Variants in PPEF2 observed in about 807,000 individuals in gnomAD.
PPEF2 encodes serine/threonine-protein phosphatase with EF-hands 2.
PPEF2 carries 84 observed loss-of-function variants against 84.7 expected under a neutral mutation model. The ratio of observed to expected loss-of-function variants is 0.99; its 90% CI spans 0.83 to 1.19. The LOEUF (loss-of-function observed/expected upper bound fraction) is 1.19, where lower values mean the gene tolerates loss of function less well. Ranked by LOEUF, PPEF2 falls within the 50% of genes most tolerant of loss-of-function variation. The pLI is 0.00. For missense variants in PPEF2, 924 were observed against 937.5 expected, an observed-to-expected ratio of 0.99 and a Z score of 0.19; for synonymous variants, 346 against 345.2, an observed-to-expected ratio of 1.00 and a Z score of -0.03.
rs776134580 is a variant in PPEF2, at chr4:75,876,338, T to G, written c.1269A>C (p.Ala423=). Residue 423 remains alanine (A), a synonymous_variant, in exon 11 of 17, where the codon GCA becomes GCC. Coordinates refer to ENST00000286719, the MANE Select transcript of PPEF2 (RefSeq NM_006239.3). The part of the protein sequence containing the change: ...KEEPSRSASE[A]DSEAGELRKP... ...TCCGCAGCTCTCCGGCTTCAGAGTC[T>G]GCTTCTGAGGCTGAGCGGGAGGGCT... 2.5e-6 allele frequency: 4 copies of G among 1,613,752 alleles called. No individual in the cohort carries two copies. Among genetic ancestry groups the G allele is most frequent in the South Asian group, 2.2e-5 (2 of 91,034 alleles).
intron 1 of PPEF2, among the ~76,000 whole-genome samples, chr4:75,897,880 A>G (rs13149107): frequency 0.22 from 33,199 of 152,074 alleles, 4,057 homozygotes; most frequent in Non-Finnish European, 0.28. Flanking sequence ...TTAAAGACAC[A>G]CACACAGAAA....
At chr4:75,861,179 T>C (rs193199585) in intron 16 of PPEF2, among the ~76,000 whole-genome samples, 162 of 152,214 alleles carry the variant, frequency 1.1e-3, no homozygotes, top group African/African-American at 3.9e-3. Flanking sequence ...ATGACTAAGA[T>C]GGAGGTGAGG....
Position 75,859,893 on chromosome 4 carries a change from A to AT in PPEF2, c.*773dup, listed in dbSNP as rs1304156229. 4.6e-5 allele frequency: 7 copies of AT among 152,330 alleles called. No individual in the cohort carries two copies. In the South Asian group the frequency reaches 1.4e-3, roughly 32 times the overall value. The allele number at this position is 152,330 out of a possible 1,614,324, so 9.4% of individuals were successfully genotyped here. A position where few individuals can be genotyped will look rare whatever the true frequency, so the allele number is the denominator to read the frequency against. On this transcript the variant is annotated 3_prime_UTR_variant, in exon 17 of 17. Coordinates refer to ENST00000286719, the MANE Select transcript of PPEF2 (RefSeq NM_006239.3). ...AGGGTTTACAATTAGATATTAATTT[A>AT]TTTTTTTAAAAGTAGAACATAAAAT...
intron 1 of PPEF2, among the ~76,000 whole-genome samples, chr4:75,901,067 C>T (rs2149232717): frequency 6.6e-6 from 1 of 152,226 alleles, no homozygotes; most frequent in South Asian, 2.1e-4. Flanking sequence ...TCTATTACAG[C>T]TTTTGTAATT....
chr4:75,891,630 G>T lies in PPEF2; in HGVS notation c.241+18C>A, dbSNP rs758344476. 4 of 1,595,924 alleles carry T rather than the reference G, an allele frequency of 2.5e-6. No individual in the cohort carries two copies. In the African/African-American group the frequency reaches 5.4e-5, roughly 22 times the overall value. ...GCCTTGCGACAGGAGGACATGACAT[G>T]TGGCAGTTCATACTCACTGTCGTTG... On this transcript the variant is annotated intron_variant, in intron 4 of 16. Coordinates refer to ENST00000286719, the MANE Select transcript of PPEF2 (RefSeq NM_006239.3).
chr4:75,864,553 C>T, intron 15 of PPEF2, 26 bp from the exon 16 acceptor site: 1 of 1,535,020 alleles, frequency 6.5e-7, no homozygotes, highest in Non-Finnish European at 9.0e-7. Context: ...CATTTTCCTT[C>T]TTTGTCATAC....
intron 4 of PPEF2, among the ~76,000 whole-genome samples, chr4:75,891,262 T>C (rs1289024281): frequency 6.6e-6 from 1 of 151,798 alleles, no homozygotes; most frequent in African/African-American, 2.4e-5. Flanking sequence ...TTTCAACCAA[T>C]GACTCCTGGA....
chr4:75,898,633 T>C (rs1210916776), intron 1 of PPEF2, among the ~76,000 whole-genome samples: 2 of 152,200 alleles, frequency 1.3e-5, no homozygotes, highest in East Asian at 1.9e-4. Flanking sequence ...TGTAAGCAAA[T>C]TCATCATTTT....
chr4:75,896,417 A>C, intron 1 of PPEF2, 34 bp from the exon 2 acceptor site: 1 of 1,396,514 alleles, frequency 7.2e-7, no homozygotes, highest in South Asian at 1.2e-5. Flanking sequence ...GTAATAGGAG[A>C]TGCAGGCAGA....
rs753242886 is a variant in PPEF2 at position 75,876,572 on chromosome 4, T to C, written c.1035A>G (p.Pro345=). Residue 345 remains proline, a synonymous_variant, in exon 11 of 17, where the codon CCA becomes CCG. Transcript: ENST00000286719. ...NQKSSAQGPI[P]WFLPESRSLP... ...GAGAGCGGCTTTCGGGGAGAAACCA[T>C]GGGATGGGTCCCTGTGCAGAGCTCT... 6 of 1,612,968 alleles carry C rather than the reference T, an allele frequency of 3.7e-6. No homozygotes were observed. The highest frequency in any genetic ancestry group is 5.1e-6 in the Non-Finnish European group (6 of 1,179,076).
intron 4 of PPEF2, among the ~76,000 whole-genome samples, 190 bp from the exon 5 acceptor site, chr4:75,890,322 C>T (rs1302658626): frequency 1.3e-5 from 2 of 151,516 alleles, no homozygotes; most frequent in African/African-American, 2.4e-5. Context: ...CTTGCCTCTA[C>T]AAAAAAAATT....
At position 75,883,078 on chromosome 4, in the gene PPEF2, G is replaced by T; in HGVS notation, c.784-3C>A. ...CTTAGTATTTCCTTCCCGTGTACCT[G>T]GAAAAAATGATATAAACAAAATGTT... On this transcript the variant is annotated splice_region_variant and splice_polypyrimidine_tract_variant and intron_variant, in intron 9 of 16. Transcript: ENST00000286719. 6.2e-7 allele frequency: 1 copy of T among 1,613,514 alleles called. No individual in the cohort carries two copies. Among genetic ancestry groups the T allele is most frequent in the Non-Finnish European group, 8.5e-7 (1 of 1,179,754 alleles).
Position 75,860,931 on chromosome 4 carries a change from G to A in PPEF2, c.2009-11C>T, listed in dbSNP as rs1301205920. 2 of 1,609,654 alleles carry A rather than the reference G, an allele frequency of 1.2e-6. No homozygotes were observed. Among genetic ancestry groups the A allele is most frequent in the Admixed American group, 1.7e-5 (1 of 59,870 alleles). On this transcript the variant is annotated splice_polypyrimidine_tract_variant and intron_variant, in intron 16 of 16. Coordinates refer to ENST00000286719, the MANE Select transcript of PPEF2 (RefSeq NM_006239.3). ...CCAGTGAGATGAACCCTTATCAGAG[G>A]GAGGAAATCACTTCAGTGAGTTAGT...
intron 10 of PPEF2, among the ~76,000 whole-genome samples, chr4:75,878,811 G>A (rs57659593): frequency 2.0e-5 from 3 of 151,990 alleles, no homozygotes; most frequent in Non-Finnish European, 2.9e-5. Context: ...ATGGAGTCTC[G>A]CTCTGTCACC....
intron 1 of PPEF2, among the ~76,000 whole-genome samples, chr4:75,900,488 G>A (rs1725095599): frequency 6.6e-6 from 1 of 152,192 alleles, no homozygotes; most frequent in Admixed American, 6.5e-5. Context: ...TATGTCATGT[G>A]GAAGGGGAAA....
rs190536325 is a variant in PPEF2 at position 75,882,012 on chromosome 4, G to C, written c.933+914C>G. The C allele has an allele frequency of 5.9e-5, 9 of 152,322 alleles. No individual in the cohort carries two copies. In the East Asian group the frequency reaches 1.7e-3, roughly 29 times the overall value. The allele number at this position is 152,322 out of a possible 1,614,324, so 9.4% of individuals were successfully genotyped here. A position where few individuals can be genotyped will look rare whatever the true frequency, so the allele number is the denominator to read the frequency against. On this transcript the variant is annotated intron_variant, in intron 10 of 16. Coordinates refer to ENST00000286719, the MANE Select transcript of PPEF2 (RefSeq NM_006239.3). The stretch of plus-strand genomic sequence containing the variant: ...TGTGTGGGATGAGTCAAGTTTAAGA[G>C]TTAAGTGTAAGAAAATAGAAACTTT...
intron 11 of PPEF2, among the ~76,000 whole-genome samples, chr4:75,874,085 G>A (rs1724351507): frequency 6.7e-6 from 1 of 149,934 alleles, no homozygotes; most frequent in Admixed American, 6.8e-5. Context: ...TCCAGCCTGG[G>A]TGACAGAGCG....
At chr4:75,885,817 C>T (rs956999103) in intron 7 of PPEF2, among the ~76,000 whole-genome samples, 2 of 151,930 alleles carry the variant, frequency 1.3e-5, no homozygotes, top group South Asian at 2.1e-4. Context: ...GAGACCAGCC[C>T]GGCCAAGATG....
At chr4:75,877,672 C>CT (rs71210220) in intron 10 of PPEF2, among the ~76,000 whole-genome samples, 234 of 147,232 alleles carry the variant, frequency 1.6e-3, no homozygotes, top group Middle Eastern at 7.0e-3. Flanking sequence ...TTTCCTTTCT[C>CT]TTTTTTTTTT....
Sources: allele counts gnomAD v4.1 joint callset (sites outside exome capture counted in the v4.1 genomes callset), GRCh38; gene constraint gnomAD v4.1.1; transcripts MANE v1.5; gene names NCBI Gene and HGNC (gene_info 2026-07-23, HGNC 2026-07-21).